The following CASK variants were observed in gnomAD, a reference collection of about 807,000 sequenced individuals.
CASK encodes the protein calcium/calmodulin dependent serine protein kinase.
A neutral mutation model predicts 82.9 loss-of-function variants in CASK; 4 were observed. The observed-to-expected ratio is 0.05, with a 90% CI of 0.02 to 0.11. The LOEUF (loss-of-function observed/expected upper bound fraction) is 0.11. Among genes scored for constraint, CASK ranks in the 10% least tolerant of loss-of-function variants. The pLI is 1.00. For missense variants in CASK, 358 were observed against 720.9 expected (o/e 0.50, Z 5.76); for synonymous variants, 259 against 253.5 (o/e 1.02, Z -0.20).
At chrX:41,901,556 C>A (rs986653206) in intron 1 of CASK, among the ~76,000 whole-genome samples, 9 of 111,036 alleles carry the variant, frequency 8.1e-5, no homozygotes, top group African/African-American at 3.0e-4. Context: ...GCAGGAAAAG[C>A]CTTTTACCAG....
At chrX:41,799,174 T>G (rs1293096259) in intron 2 of CASK, among the ~76,000 whole-genome samples, 1 of 112,669 alleles carries the variant, frequency 8.9e-6, no homozygotes, top group Non-Finnish European at 1.9e-5. Context: ...GTTTTCAATC[T>G]TAGTCCTTTC....
chrX:41,734,282 G>A (rs2068459838), intron 5 of CASK, among the ~76,000 whole-genome samples: 1 of 111,746 alleles, frequency 8.9e-6, no homozygotes. Flanking sequence ...GTGACAGAAA[G>A]GTCTAAAACT....
At chrX:41,916,773 A>T (rs1429949098) in intron 1 of CASK, among the ~76,000 whole-genome samples, 1 of 112,177 alleles carries the variant, frequency 8.9e-6, no homozygotes, top group African/African-American at 3.2e-5. Context: ...CTACCTCTGA[A>T]ACCTTATTAC....
At chrX:41,899,335 A>C (rs1473719338) in intron 1 of CASK, among the ~76,000 whole-genome samples, 1 of 111,433 alleles carries the variant, frequency 9.0e-6, no homozygotes, top group African/African-American at 3.3e-5. Flanking sequence ...TGTAGGTAGC[A>C]TATGGTTGAG....
rs746581427 is a variant in CASK, at chrX:41,636,697, G to A, written c.832-36C>T. ...TGAAAGATAATGAACATATATAACC[G>A]TTTAAAAAAGTGCAGAAGCTTAATC... is the stretch of plus-strand genomic sequence containing the variant. On this transcript the variant is annotated intron_variant, in intron 8 of 26. Coordinates refer to ENST00000378163, the MANE Select transcript of CASK (RefSeq NM_001367721.1). 1.8e-4 allele frequency: 155 copies of A among 865,264 alleles called. No individual in the cohort carries two copies. In the South Asian group the frequency reaches 3.1e-3, roughly 17 times the overall value. The allele number at this position is 865,264 out of a possible 1,213,427, so 71.3% of individuals were successfully genotyped here. A position where few individuals can be genotyped will look rare whatever the true frequency, so the allele number is the denominator to read the frequency against.
intron 3 of CASK, among the ~76,000 whole-genome samples, chrX:41,766,133 A>G (rs1273150204): frequency 8.9e-6 from 1 of 112,253 alleles, no homozygotes; most frequent in East Asian, 2.8e-4. Context: ...AAATCTATCT[A>G]TATCAAGCTT....
At chrX:41,703,408 C>T (rs989147132) in intron 5 of CASK, among the ~76,000 whole-genome samples, 1 of 112,546 alleles carries the variant, frequency 8.9e-6, no homozygotes, top group Non-Finnish European at 1.9e-5. Flanking sequence ...TTACAACATA[C>T]ATATGCATAA....
chrX:41,657,811 T>C (rs2066966597), intron 8 of CASK, among the ~76,000 whole-genome samples: 1 of 111,658 alleles, frequency 9.0e-6, no homozygotes, highest in Non-Finnish European at 1.9e-5. Flanking sequence ...TCTAGCTCAT[T>C]TCCTGGCATA....
chrX:41,684,109 G>C (rs181166276), intron 5 of CASK, among the ~76,000 whole-genome samples: 2 of 112,327 alleles, frequency 1.8e-5, no homozygotes, highest in East Asian at 5.6e-4. Context: ...ACTGATTCAG[G>C]TAAGAATCAT....
intron 3 of CASK, among the ~76,000 whole-genome samples, chrX:41,761,701 A>G (rs2069002457): frequency 8.9e-6 from 1 of 112,073 alleles, no homozygotes; most frequent in South Asian, 3.7e-4. Flanking sequence ...AATATCCCAT[A>G]TGCCCATGAA....
intron 19 of CASK, 134 bp from the exon 20 acceptor site, chrX:41,555,769 T>C: frequency 2.0e-6 from 1 of 496,862 alleles, no homozygotes; most frequent in Non-Finnish European, 3.5e-6. Flanking sequence ...TATACATTAT[T>C]CCATTTATCA....
Position 41,516,610 on chromosome X carries a change from A to T in CASK, c.*3810T>A, listed in dbSNP as rs1295175988. ...AGTATTGTAAGCCCTAGTCAAGAGG[A>T]TGGAATTAGGAGGCTGTGTTCAGTT... On this transcript the variant is annotated 3_prime_UTR_variant, in exon 27 of 27. Transcript: ENST00000378163. The T allele has an allele frequency of 1.8e-5, 2 of 111,441 alleles. No homozygotes were observed. The highest frequency in any genetic ancestry group is 6.5e-5 in the African/African-American group (2 of 30,607). 9.2% of individuals were successfully genotyped at this position (111,441 alleles called of 1,213,427 possible).
Position 41,626,644 on chromosome X carries a change from A to G in CASK, c.975T>C (p.Pro325=). The change falls in exon 10 of 27, where the codon CCT becomes CCC. Residue 325 remains proline (P), a synonymous_variant. Coordinates refer to ENST00000378163, the MANE Select transcript of CASK (RefSeq NM_001367721.1). ...CTTCGGAGAAATCTGGTAACTCTTC[A>G]GGGGGATCCCCATAGAATGAGTTGA... ...HKFNSFYGDP[P]EELPDFSEDP... is the part of the protein sequence containing the mutation. 1 of 1,207,176 alleles carries G rather than the reference A, an allele frequency of 8.3e-7. No individual in the cohort carries two copies. The highest frequency in any genetic ancestry group is 3.0e-5 in the East Asian group (1 of 33,867).
At chrX:41,799,436 AG>A (rs1205879297) in intron 2 of CASK, among the ~76,000 whole-genome samples, 10 of 110,445 alleles carry the variant, frequency 9.1e-5, no homozygotes, top group Non-Finnish European at 1.9e-4. Flanking sequence ...GCTACTCAGG[AG>A]GCTGAGGCAG....
intron 16 of CASK, among the ~76,000 whole-genome samples, chrX:41,564,943 C>T (rs1468471080): frequency 1.8e-5 from 2 of 112,050 alleles, no homozygotes; most frequent in African/African-American, 6.5e-5. Context: ...TTCAAAACCG[C>T]TCAACTACAT....
chrX:41,910,519 G>A (rs868621259), intron 1 of CASK, among the ~76,000 whole-genome samples: 3 of 111,406 alleles, frequency 2.7e-5, no homozygotes, highest in Admixed American at 9.5e-5. Context: ...TGTCTTTATC[G>A]GGGAAAATAT....
chrX:41,751,268 T>C (rs2068782809), intron 3 of CASK, among the ~76,000 whole-genome samples: 1 of 110,585 alleles, frequency 9.0e-6, no homozygotes, highest in African/African-American at 3.3e-5. Context: ...TTTTTAATTT[T>C]TGTAGGGACA....
chrX:41,849,843 C>CAT (rs75113106), intron 2 of CASK, among the ~76,000 whole-genome samples: 21,361 of 111,215 alleles, frequency 0.19, 1,638 homozygotes, highest in Middle Eastern at 0.29. Context: ...AATATTAAAA[C>CAT]GTACAGGTGG....
intron 8 of CASK, among the ~76,000 whole-genome samples, chrX:41,654,206 CAG>C (rs1467140136): frequency 8.9e-6 from 1 of 111,934 alleles, no homozygotes; most frequent in African/African-American, 3.3e-5. Context: ...TGGGGAAAGG[CAG>C]AGAGGAGAGT....
Sources: allele counts gnomAD v4.1 joint callset (sites outside exome capture counted in the v4.1 genomes callset), GRCh38; gene constraint gnomAD v4.1.1; transcripts MANE v1.5; gene names NCBI Gene and HGNC (gene_info 2026-07-23, HGNC 2026-07-21).